The following RSF1 variants were observed in gnomAD, a reference collection of about 807,000 sequenced individuals.
RSF1 encodes the protein HBV pX-associated protein 8.
Under a neutral mutation model 145.2 loss-of-function variants are expected in RSF1, and 13 were observed. That is an observed-to-expected ratio of 0.09 (90% CI 0.06 to 0.14). The LOEUF (loss-of-function observed/expected upper bound fraction) is 0.14. Ranked by LOEUF, RSF1 falls within the 10% of genes least tolerant of loss-of-function variation. The probability of loss-of-function intolerance (pLI) is 1.00; values close to 1 mark genes in which losing one functional copy is unlikely to be tolerated. For missense variants in RSF1, 1,517 were observed against 1,718.2 expected, an observed-to-expected ratio of 0.88 and a Z score of 2.07; for synonymous variants, 577 against 592.6, an observed-to-expected ratio of 0.97 and a Z score of 0.38.
the RSF1 span, among the ~76,000 whole-genome samples, chr11:77,827,260 A>C: frequency 6.6e-6 from 1 of 152,240 alleles, no homozygotes; most frequent in Non-Finnish European, 1.5e-5. Flanking sequence ...CATACCAAAA[A>C]CTAGAAGAGA....
At chr11:77,669,728 A>G (rs948845844) in intron 15 of RSF1, among the ~76,000 whole-genome samples, 11 of 152,342 alleles carry the variant, frequency 7.2e-5, no homozygotes, top group African/African-American at 2.6e-4. Flanking sequence ...CACATTTTTT[A>G]TGTAAGAGGC....
intron 7 of RSF1, among the ~76,000 whole-genome samples, chr11:77,697,997 T>A (rs2135849167): frequency 6.6e-6 from 1 of 152,334 alleles, no homozygotes; most frequent in Non-Finnish European, 1.5e-5. Context: ...TAAAGTTACC[T>A]ATTTATCTTA....
chr11:77,675,000 T>G, intron 14 of RSF1, 36 bp downstream of exon 14: 1 of 1,495,060 alleles, frequency 6.7e-7, no homozygotes, highest in Non-Finnish European at 9.0e-7. Flanking sequence ...AAAAAATAAT[T>G]TATTGAGCTA....
chr11:77,837,779 G>A, the RSF1 span, among the ~76,000 whole-genome samples: 1 of 152,074 alleles, frequency 6.6e-6, no homozygotes, highest in Admixed American at 6.5e-5. Context: ...AATTGAGCCT[G>A]GGCACAGTGG....
At chr11:77,767,642 G>T (rs1163132777) in intron 1 of RSF1, among the ~76,000 whole-genome samples, 6 of 152,156 alleles carry the variant, frequency 3.9e-5, no homozygotes, top group African/African-American at 1.4e-4. Flanking sequence ...CTGCCCACTT[G>T]AATCATATTT....
the RSF1 span, chr11:77,850,781 C>T: frequency 2.1e-5 from 1 of 47,366 alleles, no homozygotes; most frequent in East Asian, 4.9e-4. Flanking sequence ...CACATACACA[C>T]ACATACACAC....
chr11:77,674,979 A>G lies in RSF1; in HGVS notation c.3562+57T>C, dbSNP rs560593427. On this transcript the variant is annotated intron_variant, in intron 14 of 15. Transcript: ENST00000308488. ...GTGCCATTGCACTCCAGCATGAGCA[A>G]CAAGAAAAACAAAAAATAATTTATT... 3 of 1,413,654 alleles carry G rather than the reference A, an allele frequency of 2.1e-6. No homozygotes were observed. The Admixed American group carries it at 6.6e-5, about 31-fold the overall frequency. 87.6% of individuals were successfully genotyped at this position (1,413,654 alleles called of 1,614,324 possible).
chr11:77,769,134 T>G (rs1948256622), intron 1 of RSF1, among the ~76,000 whole-genome samples: 1 of 152,186 alleles, frequency 6.6e-6, no homozygotes, highest in Admixed American at 6.5e-5. Context: ...CTCAGCTCAC[T>G]AGAACCTCCA....
intron 1 of RSF1, among the ~76,000 whole-genome samples, chr11:77,782,365 A>ACCCC (rs532489813): frequency 7.8e-4 from 118 of 152,218 alleles, no homozygotes; most frequent in Non-Finnish European, 1.5e-3. Context: ...ACATGGCAAA[A>ACCCC]CCCCGTCTCT....
intron 2 of RSF1, among the ~76,000 whole-genome samples, chr11:77,759,365 A>G (rs971967446): frequency 1.3e-5 from 2 of 152,200 alleles, no homozygotes; most frequent in African/African-American, 4.8e-5. Flanking sequence ...AAAAAATTTT[A>G]GCTTGGCATT....
the RSF1 span, among the ~76,000 whole-genome samples, chr11:77,834,983 T>TA: frequency 6.6e-6 from 1 of 152,072 alleles, no homozygotes; most frequent in Admixed American, 6.6e-5. Context: ...CATATTTTTA[T>TA]AAAAAAAGTA....
At chr11:77,789,648 G>A (rs894285879) in intron 1 of RSF1, among the ~76,000 whole-genome samples, 2 of 152,144 alleles carry the variant, frequency 1.3e-5, no homozygotes, top group Non-Finnish European at 2.9e-5. Flanking sequence ...CCTCCACAGT[G>A]GCAGGGCCCC....
At chr11:77,822,309 G>C (rs773277523), upstream of RSF1, among the ~76,000 whole-genome samples, 3 of 151,374 alleles carry the variant, frequency 2.0e-5, no homozygotes, top group Non-Finnish European at 4.4e-5. Context: ...GGAATCCTTG[G>C]GAGGCTGATG....
the RSF1 span, chr11:77,840,956 T>C: frequency 4.1e-6 from 2 of 490,080 alleles, no homozygotes; most frequent in African/African-American, 3.8e-5. Context: ...TGTGCTCCTA[T>C]AACTGAATAC....
At chr11:77,734,774 C>T (rs775044768) in intron 4 of RSF1, 112 of 1,591,172 alleles carry the variant, frequency 7.0e-5, no homozygotes, top group Admixed American at 6.7e-5. Flanking sequence ...TTTTTGATAT[C>T]CTGAAGGAAG....
chr11:77,698,672 G>C lies in RSF1; in HGVS notation c.2530C>G (p.Arg844Gly), dbSNP rs1437004465. ...VSKVKPKGKV[R>G]WTGSRTRGRW... ...CCACGTGTCCGAGAACCAGTCCATC[G>C]AACTTTGCCTTTGGGTTTTACCTTG... Residue 844 changes from arginine (R) to glycine (G), a missense_variant, in exon 7 of 16, where the codon CGA becomes GGA. Around this residue, in one of 12 missense-constraint regions of RSF1, gnomAD observed 579 missense variants for 553.5 expected, o/e 1.05. Coordinates refer to ENST00000308488, the MANE Select transcript of RSF1 (RefSeq NM_016578.4). 4 of 1,613,756 alleles carry C rather than the reference G, an allele frequency of 2.5e-6. No individual in the cohort carries two copies. In the East Asian group the frequency reaches 6.7e-5, roughly 27 times the overall value.
intron 1 of RSF1, among the ~76,000 whole-genome samples, chr11:77,781,255 T>C (rs12804524): frequency 6.6e-6 from 1 of 152,140 alleles, no homozygotes; most frequent in African/African-American, 2.4e-5. Flanking sequence ...TGTGCCACCA[T>C]GCCCAGCTAA....
At chr11:77,764,408 C>T in intron 2 of RSF1, 190 bp downstream of exon 2, 1 of 517,286 alleles carries the variant, frequency 1.9e-6, no homozygotes, top group South Asian at 2.7e-5. Context: ...AATCTAACTT[C>T]AGGACTCAAG....
At chr11:77,870,303 A>T in the RSF1 span, among the ~76,000 whole-genome samples, 1 of 144,620 alleles carries the variant, frequency 6.9e-6, no homozygotes, top group African/African-American at 2.6e-5. Flanking sequence ...TACAAATGTG[A>T]GCTACCACGT....
Sources: allele counts gnomAD v4.1 joint callset (sites outside exome capture counted in the v4.1 genomes callset), GRCh38; gene constraint gnomAD v4.1.1; regional missense constraint gnomAD v4.1.1; transcripts MANE v1.5; gene names NCBI Gene and HGNC (gene_info 2026-07-23, HGNC 2026-07-21).